The following CLNK variants were observed in gnomAD, a reference collection of about 807,000 sequenced individuals.
CLNK encodes the protein cytokine-dependent hematopoietic cell linker.
A neutral mutation model predicts 68.6 loss-of-function variants in CLNK; 74 were observed. The observed-to-expected ratio is 1.08, with a 90% confidence interval of 0.89 to 1.31. CLNK has a LOEUF of 1.31. Among genes scored for constraint, CLNK ranks in the 50% most tolerant of loss-of-function variants. CLNK has a pLI of 0.00. For synonymous variants in CLNK, 198 were observed against 172.2 expected (o/e 1.15, Z -1.17); for missense variants, 553 against 515.3 (o/e 1.07, Z -0.71).
chr4:10,674,109 G>A (rs1432275918), intron 1 of CLNK, among the ~76,000 whole-genome samples: 1 of 152,100 alleles, frequency 6.6e-6, no homozygotes, highest in African/African-American at 2.4e-5. Flanking sequence ...GATATTAATA[G>A]GTCCAGAGTC....
At chr4:10,623,411 A>T (rs16870813) in intron 2 of CLNK, among the ~76,000 whole-genome samples, 4,529 of 152,276 alleles carry the variant, frequency 0.03, 231 homozygotes, top group African/African-American at 0.095. Context: ...TGGGTAATAC[A>T]ATACGGTGGC....
rs189576886 is a variant in CLNK at position 10,559,474 on chromosome 4, C to T, written c.400-1022G>A. On this transcript the variant is annotated intron_variant, in intron 7 of 18. Coordinates refer to ENST00000226951, the MANE Select transcript of CLNK (RefSeq NM_052964.4). ...GGGTTACCTTGTGGGGACTGGGGTGCCAGAGGGTTTTTTCAATGTTCTTGT... is the reference window on the plus strand; with the variant it reads ...GGGTTACCTTGTGGGGACTGGGGTGTCAGAGGGTTTTTTCAATGTTCTTGT... Among the ~76,000 whole-genome samples the T allele has an allele frequency of 1.4e-4, 21 of 152,158 alleles. 1 individual carries two copies. The East Asian group carries it at 4.1e-3, about 29-fold the overall frequency.
chr4:10,556,854 G>A (rs2108817521), intron 8 of CLNK, among the ~76,000 whole-genome samples: 1 of 152,230 alleles, frequency 6.6e-6, no homozygotes, highest in Non-Finnish European at 1.5e-5. Flanking sequence ...GAGGTGGGCA[G>A]ATCACGAGGT....
chr4:10,713,434 G>A, the CLNK span, among the ~76,000 whole-genome samples: 1,719 of 152,234 alleles, frequency 0.011, 9 homozygotes, highest in East Asian at 0.058. Flanking sequence ...GAGGAAGGGG[G>A]AACAACCTCA....
rs1178200016 is a variant in CLNK, at chr4:10,525,900, A to G, written c.672T>C (p.Pro224=). ...GGTTTTCTAACAGATGAGTTGATTCAGGCTTCCTCTGGTTATGAGGAACTA... is the reference window on the plus strand; with the variant it reads ...GGTTTTCTAACAGATGAGTTGATTCGGGCTTCCTCTGGTTATGAGGAACTA... The part of the protein sequence containing the change: ...AEKVPHNQRK[P]ESTHLLENQN... The change falls in exon 14 of 19, where the codon CCT becomes CCC. Residue 224 remains proline, a synonymous_variant. Coordinates refer to ENST00000226951, the MANE Select transcript of CLNK (RefSeq NM_052964.4). 3 of 1,577,128 alleles carry G rather than the reference A, an allele frequency of 1.9e-6. No individual in the cohort carries two copies. Among genetic ancestry groups the G allele is most frequent in the South Asian group, 1.2e-5 (1 of 86,018 alleles).
chr4:10,711,674 G>A, the CLNK span, among the ~76,000 whole-genome samples: 1 of 152,210 alleles, frequency 6.6e-6, no homozygotes, highest in Admixed American at 6.5e-5. Context: ...ACTCAGGGCA[G>A]CTGGCTTTGT....
intron 2 of CLNK, among the ~76,000 whole-genome samples, chr4:10,638,334 G>A (rs1723176632): frequency 1.3e-5 from 2 of 152,180 alleles, no homozygotes; most frequent in South Asian, 2.1e-4. Flanking sequence ...GAGTGAAAGG[G>A]GGCTCTACTA....
At chr4:10,636,053 G>A (rs563343722) in intron 2 of CLNK, among the ~76,000 whole-genome samples, 3 of 152,326 alleles carry the variant, frequency 2.0e-5, no homozygotes, top group African/African-American at 7.2e-5. Context: ...AAGGACAAGA[G>A]GTGGGAGGGA....
rs1215782799 is a variant in CLNK, at chr4:10,564,763, T to G, written c.307A>C (p.Lys103Gln). Reference protein sequence around the residue: ...ESEYADTHYFKVAMDTPLPLD... With the variant: ...ESEYADTHYFQVAMDTPLPLD... Reference sequence around the variant, plus strand: ...GGAAGGGGAGTGTCCATTGCAACCTTGAAATAGTGTGTATCTATGCAAACA... The same window carrying G: ...GGAAGGGGAGTGTCCATTGCAACCTGGAAATAGTGTGTATCTATGCAAACA... The change falls in exon 7 of 19, where the codon AAG (lysine) becomes CAG (glutamine). Residue 103 changes from lysine (K) to glutamine (Q), a missense_variant. Coordinates refer to ENST00000226951, the MANE Select transcript of CLNK (RefSeq NM_052964.4). The G allele has an allele frequency of 6.2e-7, 1 of 1,607,498 alleles. No individual in the cohort carries two copies. Among genetic ancestry groups the G allele is most frequent in the South Asian group, 1.1e-5 (1 of 90,928 alleles).
intron 2 of CLNK, among the ~76,000 whole-genome samples, chr4:10,623,560 G>C (rs1722543549): frequency 6.6e-6 from 1 of 152,070 alleles, no homozygotes; most frequent in South Asian, 2.1e-4. Flanking sequence ...TCAGGTGAAG[G>C]GCCAGCTTCT....
At chr4:10,575,444 T>C (rs1044012386) in intron 4 of CLNK, among the ~76,000 whole-genome samples, 1 of 152,252 alleles carries the variant, frequency 6.6e-6, no homozygotes, top group African/African-American at 2.4e-5. Flanking sequence ...CTTCCCTGAC[T>C]ACCGGTGTCA....
intron 2 of CLNK, among the ~76,000 whole-genome samples, chr4:10,616,790 GTA>G (rs58333228): frequency 0.015 from 970 of 64,298 alleles, 8 homozygotes; most frequent in African/African-American, 0.038. Context: ...GTGTGTGTGT[GTA>G]TATATATATA....
intron 1 of CLNK, among the ~76,000 whole-genome samples, chr4:10,681,108 G>T (rs563768514): frequency 2.6e-5 from 4 of 152,272 alleles, no homozygotes; most frequent in Non-Finnish European, 5.9e-5. Flanking sequence ...ACACAGCTCT[G>T]ACTTAGTGCT....
the CLNK span, among the ~76,000 whole-genome samples, chr4:10,702,831 G>A: frequency 2.0e-5 from 3 of 152,140 alleles, no homozygotes; most frequent in Non-Finnish European, 4.4e-5. Flanking sequence ...AAAATAAGCA[G>A]ATGGACCCCC....
chr4:10,571,746 C>G lies in CLNK; in HGVS notation c.145G>C (p.Asp49His), dbSNP rs749766544. ...QYQRMNKPLL[D>H]WERNFAAVLD... ...AAGGGAAGCAGCTGACTTACCCAGT[C>G]TAGAAGAGGCTTGTTCATCCTCTGG... Residue 49 changes from aspartate to histidine, a missense_variant, in exon 5 of 19, where the codon GAC (aspartate) becomes CAC (histidine). Asp to His is a moderately conservative substitution (Grantham distance 81). Transcript: ENST00000226951. 1 of 1,612,602 alleles carries G rather than the reference C, an allele frequency of 6.2e-7. No homozygotes were observed. The highest frequency in any genetic ancestry group is 1.1e-5 in the South Asian group (1 of 90,990).
the CLNK span, among the ~76,000 whole-genome samples, chr4:10,699,167 C>T: frequency 8.5e-6 from 1 of 118,112 alleles, no homozygotes; most frequent in Non-Finnish European, 1.8e-5. Flanking sequence ...GAGCCAATTC[C>T]TTACGTTTCT....
rs1277526253 is a variant in CLNK at position 10,503,969 on chromosome 4, G to A, written c.985-2558C>T. Among the ~76,000 whole-genome samples, 6 of 150,924 alleles carry A rather than the reference G, an allele frequency of 4.0e-5. No homozygotes were observed. The East Asian group carries it at 1.2e-3, about 29-fold the overall frequency. On this transcript the variant is annotated intron_variant, in intron 17 of 18. Coordinates refer to ENST00000226951, the MANE Select transcript of CLNK (RefSeq NM_052964.4). ...AGCTAATTTTTGTCTTCTTTGTAGA[G>A]ACGGGGTTTCACCATGTTGGCCAGG... is the stretch of plus-strand genomic sequence containing the variant.
chr4:10,700,344 C>G, the CLNK span, among the ~76,000 whole-genome samples: 17 of 152,144 alleles, frequency 1.1e-4, no homozygotes, highest in Non-Finnish European at 2.4e-4. Flanking sequence ...GCAGGAGGAA[C>G]GTGAACCTTG....
intron 2 of CLNK, among the ~76,000 whole-genome samples, chr4:10,640,537 C>G (rs942314979): frequency 6.6e-6 from 1 of 152,182 alleles, no homozygotes; most frequent in Non-Finnish European, 1.5e-5. Flanking sequence ...CACACATACA[C>G]CTTGTGTATT....
Sources: gnomAD v4.1 joint callset for allele counts (sites outside exome capture counted in the v4.1 genomes callset) on GRCh38, gnomAD v4.1.1 for gene constraint, MANE v1.5 for transcripts, NCBI Gene and HGNC (gene_info 2026-07-23, HGNC 2026-07-21) for gene names.